GFAP: variants seen among roughly 807,000 people sequenced by gnomAD.
The protein encoded by GFAP is intermediate filament protein.
A neutral mutation model predicts 49.3 loss-of-function variants in GFAP; 38 were observed. That is an observed-to-expected ratio of 0.77 (90% confidence interval 0.60 to 1.01). The LOEUF is 1.01. Among genes scored for constraint, GFAP ranks in the 50% least tolerant of loss-of-function variants. The pLI, the probability that GFAP is intolerant of heterozygous loss-of-function variation, is 0.00. For missense variants in GFAP, 463 were observed against 579.1 expected (o/e 0.80, Z 2.06); for synonymous variants, 222 against 236.4 (o/e 0.94, Z 0.56).
chr17:44,912,375 G>C (rs370070479), intron 4 of GFAP: 3 of 153,642 alleles, frequency 2.0e-5, no homozygotes, highest in Non-Finnish European at 2.9e-5. Context: ...CGCATGCCTC[G>C]GCCTCCCAAA....
At position 44,903,890 on chromosome 17, in the gene GFAP, G is replaced by A; in HGVS notation, c.*3457C>T. 1 of 1,550,564 alleles carries A rather than the reference G, an allele frequency of 6.4e-7. No individual in the cohort carries two copies. The highest frequency in any genetic ancestry group is 8.7e-7 in the Non-Finnish European group (1 of 1,146,972). Reference sequence around the variant, plus strand: ...ATGGGGGCTCCAGGCCTTTGAAATTGTGGAGAAGGAAAACATTTTTCAGAG... The same window carrying A: ...ATGGGGGCTCCAGGCCTTTGAAATTATGGAGAAGGAAAACATTTTTCAGAG... On this transcript the variant is annotated 3_prime_UTR_variant, in exon 9 of 9. Transcript: ENST00000588735.
At position 44,911,436 on chromosome 17, in the gene GFAP, C is replaced by T. The variant is rs1316239490; in HGVS notation, c.927G>A (p.Gln309=). The T allele has an allele frequency of 3.1e-6, 5 of 1,610,316 alleles. No individual in the cohort carries two copies. In the African/African-American group the frequency reaches 4.0e-5, roughly 13 times the overall value. The part of the protein sequence containing the change: ...LRGTNESLER[Q]MREQEERHVR... ...CGTGCCGCTCCTCCTGCTCGCGCAT[C>T]TGCCTCTCCAGGGACTCGTTCTGTG... Residue 309 remains glutamine (Q), a synonymous_variant, in exon 6 of 9, where the codon CAG becomes CAA. Transcript: ENST00000588735.
chr17:44,903,893 GAGA>G lies in GFAP; in HGVS notation c.*3451_*3453del. On this transcript the variant is annotated 3_prime_UTR_variant, in exon 9 of 9. Transcript: ENST00000588735. ...GGGGCTCCAGGCCTTTGAAATTGTG[GAGA>G]AGGAAAACATTTTTCAGAGGACCCC... 6.4e-7 allele frequency: 1 copy of G among 1,550,654 alleles called. No homozygotes were observed. Among genetic ancestry groups the G allele is most frequent in the Non-Finnish European group, 8.7e-7 (1 of 1,147,000 alleles).
intron 7 of GFAP, chr17:44,908,895 G>GGA (rs2051697419): frequency 6.8e-6 from 1 of 146,678 alleles, no homozygotes; most frequent in African/African-American, 2.7e-5. Context: ...AAGCAGGAAA[G>GGA]AGAAAGGAAG....
At chr17:44,913,855 G>A (rs781323197) in intron 2 of GFAP, 32 bp from the exon 3 acceptor site, 3 of 1,570,338 alleles carry the variant, frequency 1.9e-6, no homozygotes, top group Non-Finnish European at 2.6e-6. Context: ...GGAGTAGAGG[G>A]CCACTGGGGC....
At chr17:44,909,787 A>C (rs1025606970) in intron 7 of GFAP, 1 of 1,126,720 alleles carries the variant, frequency 8.9e-7, no homozygotes, top group African/African-American at 1.6e-5. Context: ...CTCAGGGATG[A>C]AAGAATAAAG....
Position 44,909,998 on chromosome 17 carries a change from G to A in GFAP, c.1171+617C>T, listed in dbSNP as rs1283629801. The A allele has an allele frequency of 7.1e-6, 11 of 1,539,234 alleles. No individual in the cohort carries two copies. The South Asian group carries it at 8.9e-5, about 12-fold the overall frequency. On this transcript the variant is annotated intron_variant, in intron 7 of 8. Coordinates refer to ENST00000588735, the MANE Select transcript of GFAP (RefSeq NM_002055.5). The stretch of plus-strand genomic sequence containing the variant: ...ACCACGTCCTGGGCTGGGCACTGCA[G>A]TTCCTGGGAAAATGACGCAGTCCAG...
chr17:44,905,114 T>C lies in GFAP; in HGVS notation c.*2233A>G. The C allele has an allele frequency of 7.0e-7, 1 of 1,423,656 alleles. No individual in the cohort carries two copies. Among genetic ancestry groups the C allele is most frequent in the Non-Finnish European group, 9.5e-7 (1 of 1,052,388 alleles). 88.2% of individuals were successfully genotyped at this position (1,423,656 alleles called of 1,614,324 possible). A position where few individuals can be genotyped will look rare whatever the true frequency, so the allele number is the denominator to read the frequency against. ...GAAGACCAGTTGTCCTTCAATGTGTTTGTTAAATGATACCAGATGTCTCTG... is the reference window on the plus strand; with the variant it reads ...GAAGACCAGTTGTCCTTCAATGTGTCTGTTAAATGATACCAGATGTCTCTG... On this transcript the variant is annotated 3_prime_UTR_variant, in exon 9 of 9. Transcript: ENST00000588735.
Position 44,910,018 on chromosome 17 carries a change from G to A in GFAP, c.1171+597C>T, listed in dbSNP as rs2051720457. On this transcript the variant is annotated intron_variant, in intron 7 of 8. Transcript: ENST00000588735. ...CTGCAGTTCCTGGGAAAATGACGCA[G>A]TCCAGGCCCTTTAGGGGAAGCCTGG... 3.2e-6 allele frequency: 5 copies of A among 1,580,504 alleles called. No individual in the cohort carries two copies. In the Admixed American group the frequency reaches 8.7e-5, roughly 27 times the overall value.
Position 44,911,717 on chromosome 17 carries a change from G to A in GFAP, c.861C>T (p.Arg287=), listed in dbSNP as rs752364004. ...QAKHEANDYR[R]QLQSLTCDLE... ...GGTCGCAGGTCAAGGACTGCAACTGGCGCCGGTAGTCGTTGGCTTCGTGCT... is the reference window on the plus strand; with the variant it reads ...GGTCGCAGGTCAAGGACTGCAACTGACGCCGGTAGTCGTTGGCTTCGTGCT... Residue 287 remains arginine (R), a synonymous_variant, in exon 5 of 9, where the codon CGC becomes CGT. Coordinates refer to ENST00000588735, the MANE Select transcript of GFAP (RefSeq NM_002055.5). 6.2e-7 allele frequency: 1 copy of A among 1,613,958 alleles called. No homozygotes were observed. Among genetic ancestry groups the A allele is most frequent in the African/African-American group, 1.3e-5 (1 of 75,058 alleles).
chr17:44,904,723 G>A lies in GFAP; in HGVS notation c.*2624C>T, dbSNP rs977019558. 74 of 1,550,448 alleles carry A rather than the reference G, an allele frequency of 4.8e-5. No homozygotes were observed. Among genetic ancestry groups the A allele is most frequent in the Non-Finnish European group, 5.9e-5 (68 of 1,147,012 alleles). ...CTGGGGCCCGGCCAGAGCATGCAGT[G>A]GCCTGGGACAAAGACCGCCAGCACC... On this transcript the variant is annotated 3_prime_UTR_variant, in exon 9 of 9. Coordinates refer to ENST00000588735, the MANE Select transcript of GFAP (RefSeq NM_002055.5).
chr17:44,912,874 C>T (rs1045167333), intron 4 of GFAP: 1 of 288,032 alleles, frequency 3.5e-6, no homozygotes, highest in Non-Finnish European at 6.8e-6. Context: ...AATGCAGGCT[C>T]CCAAGTGAGA....
rs1346506908 is a variant in GFAP, at chr17:44,904,608, T to A, written c.*2739A>T. ...GGCGTGCTGGCCATCATTAACTATG[T>A]GTCCAAAGTGGGCAGCCGGCCCTGG... On this transcript the variant is annotated 3_prime_UTR_variant, in exon 9 of 9. Coordinates refer to ENST00000588735, the MANE Select transcript of GFAP (RefSeq NM_002055.5). 7.7e-6 allele frequency: 12 copies of A among 1,550,556 alleles called. No individual in the cohort carries two copies. Among genetic ancestry groups the A allele is most frequent in the Non-Finnish European group, 1.0e-5 (12 of 1,146,980 alleles).
Position 44,913,715 on chromosome 17 carries a change from G to A in GFAP, c.618+13C>T, listed in dbSNP as rs759350727. The A allele has an allele frequency of 6.3e-7, 1 of 1,589,580 alleles. No individual in the cohort carries two copies. The highest frequency in any genetic ancestry group is 1.3e-5 in the African/African-American group (1 of 74,418). ...CTCTGTGTTGAGCTTTCCTCCCTCTGCCCTGGCCTCACCTCCTCGTGGATC... is the reference window on the plus strand; with the variant it reads ...CTCTGTGTTGAGCTTTCCTCCCTCTACCCTGGCCTCACCTCCTCGTGGATC... On this transcript the variant is annotated intron_variant, in intron 3 of 8. Transcript: ENST00000588735.
In GFAP at chr17:44,903,606, C is replaced by CA. The variant is rs2051599703; in HGVS notation, c.*3740dup. ...AGGTTCTAGAATGGCTTTCCCCCCC[C>CA]ACCCTGAGATCAGGTCTGGAATGTT... On this transcript the variant is annotated 3_prime_UTR_variant, in exon 9 of 9. Transcript: ENST00000588735. The CA allele has an allele frequency of 7.1e-7, 1 of 1,404,842 alleles. No homozygotes were observed. The allele number at this position is 1,404,842 out of a possible 1,614,324, so 87.0% of individuals were successfully genotyped here. A position where few individuals can be genotyped will look rare whatever the true frequency, so the allele number is the denominator to read the frequency against.
intron 1 of GFAP, 32 bp downstream of exon 1, chr17:44,914,994 C>T (rs2051873007): frequency 6.3e-7 from 1 of 1,579,410 alleles, no homozygotes; most frequent in East Asian, 2.2e-5. Context: ...CCCTTCTGCT[C>T]ACAAGGCCCC....
rs751087377 is a variant in GFAP, at chr17:44,911,249, C to T, written c.1114G>A (p.Gly372Ser). The T allele has an allele frequency of 3.1e-6, 5 of 1,614,058 alleles. No individual in the cohort carries two copies. Among genetic ancestry groups the T allele is most frequent in the Admixed American group, 3.3e-5 (2 of 60,030 alleles). The change falls in exon 6 of 9, where the codon GGC (glycine) becomes AGC (serine). Residue 372 changes from glycine to serine, a missense_variant. Physicochemically the swap from Gly to Ser is moderately conservative, Grantham distance 56. This residue lies in a region of GFAP where 362 missense variants were observed against 445.5 expected (regional missense o/e 0.81). Coordinates refer to ENST00000588735, the MANE Select transcript of GFAP (RefSeq NM_002055.5). ...EIATYRKLLE[G>S]EENRITIPVQ... ...ATGAGGGCTCACCGGTTCTCCTCGC[C>T]CTCTAGCAGCTTCCTGTAGGTGGCG... is the stretch of plus-strand genomic sequence containing the variant.
intron 4 of GFAP, 142 bp downstream of exon 4, chr17:44,913,127 C>A (rs2051811320): frequency 1.2e-6 from 1 of 829,588 alleles, no homozygotes; most frequent in African/African-American, 1.7e-5. Context: ...TGACCCTGGG[C>A]AAGCCATCTC....
Position 44,904,808 on chromosome 17 carries a change from G to GGCAACCAGCTCCACATCCGCT in GFAP, c.*2518_*2538dup, listed in dbSNP as rs2051627670. The GGCAACCAGCTCCACATCCGCT allele has an allele frequency of 2.3e-5, 36 of 1,550,542 alleles. No individual in the cohort carries two copies. Among genetic ancestry groups the GGCAACCAGCTCCACATCCGCT allele is most frequent in the Non-Finnish European group, 3.1e-5 (36 of 1,147,014 alleles). ...GTCCATGAGGGTGTTCATTGACCAC[G>GGCAACCAGCTCCACATCCGCT]GCAACCAGCTCCACATCCGCTTCAC... On this transcript the variant is annotated 3_prime_UTR_variant, in exon 9 of 9. Transcript: ENST00000588735.
Sources: allele counts gnomAD v4.1 joint callset, GRCh38; gene constraint gnomAD v4.1.1; regional missense constraint gnomAD v4.1.1; transcripts MANE v1.5; gene names NCBI Gene and HGNC (gene_info 2026-07-23, HGNC 2026-07-21).